Variants in KANSL1 observed in about 807,000 individuals in gnomAD.
The protein encoded by KANSL1 is MLL1/MLL complex subunit KANSL1.
In KANSL1, 22 loss-of-function variants were observed where a neutral mutation model predicts 103.6. That is an observed-to-expected ratio of 0.21 (90% confidence interval 0.15 to 0.30). The LOEUF (loss-of-function observed/expected upper bound fraction) is 0.30, where lower values mean the gene tolerates loss of function less well. Among genes scored for constraint, KANSL1 ranks in the 10% least tolerant of loss-of-function variants. KANSL1 has a pLI of 1.00. For missense variants in KANSL1, 1,337 were observed against 1,399.8 expected, an observed-to-expected ratio of 0.96 and a Z score of 0.72; for synonymous variants, 600 against 527.6, an observed-to-expected ratio of 1.14 and a Z score of -1.88.
At position 46,067,625 on chromosome 17, in the gene KANSL1, T is replaced by C. The variant is rs370560721; in HGVS notation, c.1576A>G (p.Ile526Val). The C allele has an allele frequency of 3.1e-6, 5 of 1,606,382 alleles. No homozygotes were observed. In the South Asian group the frequency reaches 3.3e-5, roughly 11 times the overall value. Residue 526 changes from isoleucine to valine, a missense_variant, in exon 5 of 15, where the codon ATT (isoleucine) becomes GTT (valine). This residue lies in a region of KANSL1 where 780 missense variants were observed against 923.4 expected (regional missense o/e 0.84). Transcript: ENST00000432791. ...AGTGACTCTGAAATATGACCAATAA[T>C]AGGGGCACCATGGTTTTCCAATGGC... ...SQPLENHGAP[I>V]IGHISESLST...
chr17:46,151,176 A>T (rs2045078009), intron 2 of KANSL1, among the ~76,000 whole-genome samples: 1 of 152,246 alleles, frequency 6.6e-6, no homozygotes, highest in Non-Finnish European at 1.5e-5. Flanking sequence ...TTTCTACCAA[A>T]TTAAAACAAC....
intron 1 of KANSL1, among the ~76,000 whole-genome samples, chr17:46,192,084 A>C (rs1047730929): frequency 6.6e-6 from 1 of 152,278 alleles, no homozygotes; most frequent in African/African-American, 2.4e-5. Flanking sequence ...TAAAGCAATC[A>C]GTAAGCAATA....
At chr17:46,203,656 T>C (rs538428625) in intron 1 of KANSL1, among the ~76,000 whole-genome samples, 2 of 152,356 alleles carry the variant, frequency 1.3e-5, no homozygotes, top group East Asian at 3.9e-4. Context: ...TTTAGTGGCT[T>C]TATGCTTCCA....
chr17:46,154,452 T>C (rs965385631), intron 2 of KANSL1, among the ~76,000 whole-genome samples: 1 of 152,030 alleles, frequency 6.6e-6, no homozygotes, highest in Non-Finnish European at 1.5e-5. Context: ...GCTCATTTCT[T>C]GTGGTTTATT....
chr17:46,206,196 A>C (rs527748157), intron 1 of KANSL1, among the ~76,000 whole-genome samples: 1 of 152,350 alleles, frequency 6.6e-6, no homozygotes, highest in African/African-American at 2.4e-5. Flanking sequence ...CTACAGAATC[A>C]ATGTGATCCC....
rs541598587 is a variant in KANSL1 at position 46,117,465 on chromosome 17, T to C, written c.1290-22764A>G. On this transcript the variant is annotated intron_variant, in intron 2 of 14. Transcript: ENST00000432791. ...ACACCATTTTAATAGTTTCCTTTTA[T>C]GTATGCAGTAAGCATTCAATAAAGG... 3.3e-5 allele frequency among the ~76,000 whole-genome samples: 5 copies of C among 152,382 alleles called. 1 individual carries two copies. Among genetic ancestry groups the C allele is most frequent in the African/African-American group, 7.2e-5 (3 of 41,586 alleles).
upstream of KANSL1, among the ~76,000 whole-genome samples, chr17:46,198,422 TAA>T (rs58312564): frequency 0.21 from 20,233 of 95,566 alleles, 2,154 homozygotes; most frequent in East Asian, 0.51. Flanking sequence ...CTACTTTAAT[TAA>T]AAAAAAAAAA....
At chr17:46,110,279 T>C (rs747480350) in intron 2 of KANSL1, among the ~76,000 whole-genome samples, 5 of 152,262 alleles carry the variant, frequency 3.3e-5, no homozygotes, top group Admixed American at 6.5e-5. Context: ...TTCATTTTAC[T>C]AGTGTTTCCT....
intron 2 of KANSL1, among the ~76,000 whole-genome samples, chr17:46,146,863 T>C (rs973445166): frequency 2.0e-5 from 3 of 149,202 alleles, no homozygotes; most frequent in African/African-American, 7.5e-5. Context: ...AAAAAGAAGT[T>C]GACAGGCCTA....
chr17:46,057,941 T>C (rs1307526174), intron 6 of KANSL1, among the ~76,000 whole-genome samples: 1 of 152,202 alleles, frequency 6.6e-6, no homozygotes, highest in African/African-American at 2.4e-5. Context: ...CAACAGGCAG[T>C]ATAACACTGA....
intron 6 of KANSL1, among the ~76,000 whole-genome samples, chr17:46,052,920 C>T (rs1431122272): frequency 8.1e-6 from 1 of 123,998 alleles, no homozygotes; most frequent in Non-Finnish European, 1.6e-5. Context: ...GCCATGATTG[C>T]ACCACTGCAC....
intron 1 of KANSL1, among the ~76,000 whole-genome samples, chr17:46,180,060 A>C (rs927944758): frequency 6.6e-6 from 1 of 150,816 alleles, no homozygotes; most frequent in South Asian, 2.1e-4. Flanking sequence ...GCGAGACTCC[A>C]TCTTAAAAAA....
chr17:46,129,780 T>C (rs540032410), intron 2 of KANSL1, among the ~76,000 whole-genome samples: 2 of 152,264 alleles, frequency 1.3e-5, no homozygotes, highest in Non-Finnish European at 2.9e-5. Context: ...CAACTCTCCC[T>C]TGTGGGAGAG....
chr17:46,050,247 G>A (rs896419524), intron 7 of KANSL1: 15 of 434,052 alleles, frequency 3.5e-5, no homozygotes, highest in Admixed American at 1.5e-4. Context: ...TATACTAAGC[G>A]TATTTTGGAC....
intron 2 of KANSL1, chr17:46,153,006 A>C (rs2045206866): frequency 6.6e-6 from 1 of 152,272 alleles, no homozygotes; most frequent in Non-Finnish European, 1.5e-5. Flanking sequence ...CACATCTGAC[A>C]TAAAACATTA....
intron 2 of KANSL1, among the ~76,000 whole-genome samples, chr17:46,134,491 G>A (rs534931149): frequency 6.6e-6 from 1 of 152,254 alleles, no homozygotes; most frequent in South Asian, 2.1e-4. Flanking sequence ...TCAGAAAGGA[G>A]ATAGAGCTGA....
At chr17:46,115,233 T>C (rs1267775994) in intron 2 of KANSL1, among the ~76,000 whole-genome samples, 1 of 152,078 alleles carries the variant, frequency 6.6e-6, no homozygotes, top group East Asian at 1.9e-4. Context: ...CTAATTTTTT[T>C]ATTTTTAGTA....
intron 2 of KANSL1, among the ~76,000 whole-genome samples, chr17:46,129,271 T>C (rs2147258855): frequency 6.6e-6 from 1 of 152,308 alleles, no homozygotes; most frequent in Non-Finnish European, 1.5e-5. Context: ...TTATTTTGGC[T>C]GGCAAATACT....
At chr17:46,105,947 A>ACACACCCCCC in intron 2 of KANSL1, among the ~76,000 whole-genome samples, 2 of 57,864 alleles carry the variant, frequency 3.5e-5, no homozygotes, top group African/African-American at 6.6e-5. Context: ...ACACACACAC[A>ACACACCCCCC]CCCCCCCAGA....
Sources: gnomAD v4.1 joint callset for allele counts (sites outside exome capture counted in the v4.1 genomes callset) on GRCh38, gnomAD v4.1.1 for gene constraint, gnomAD v4.1.1 regional missense constraint, MANE v1.5 for transcripts, NCBI Gene and HGNC (gene_info 2026-07-23, HGNC 2026-07-21) for gene names.